AK5: variants seen among roughly 807,000 people sequenced by gnomAD.
AK5 encodes adenylate kinase isoenzyme 5.
In AK5, 27 loss-of-function variants were observed where a neutral mutation model predicts 69.5. The observed-to-expected ratio is 0.39, with a 90% confidence interval of 0.29 to 0.54. The LOEUF is 0.54. AK5 is among the 20% of genes least tolerant of loss of function. The probability of loss-of-function intolerance (pLI) is 0.71; values close to 1 mark genes in which losing one functional copy is unlikely to be tolerated. For missense variants in AK5, 531 were observed against 700.4 expected (o/e 0.76, Z 2.73); for synonymous variants, 260 against 244.4 (o/e 1.06, Z -0.60).
At chr1:77,289,517 T>A (rs1042501262) in intron 2 of AK5, among the ~76,000 whole-genome samples, 2 of 152,140 alleles carry the variant, frequency 1.3e-5, no homozygotes, top group African/African-American at 2.4e-5. Flanking sequence ...GTATACATTT[T>A]AAAAATTAAA....
chr1:77,468,960 G>T (rs947912559), intron 8 of AK5, among the ~76,000 whole-genome samples: 1 of 152,200 alleles, frequency 6.6e-6, no homozygotes, highest in Non-Finnish European at 1.5e-5. Flanking sequence ...CATTGTCTTG[G>T]GGAAATTATA....
chr1:77,415,334 A>G (rs1211374823), intron 7 of AK5, among the ~76,000 whole-genome samples: 2 of 152,220 alleles, frequency 1.3e-5, no homozygotes, highest in Non-Finnish European at 2.9e-5. Flanking sequence ...ATTAAATAAA[A>G]TAAGTAGGAC....
At chr1:77,403,972 G>T (rs11162336) in intron 6 of AK5, among the ~76,000 whole-genome samples, 71 of 151,774 alleles carry the variant, frequency 4.7e-4, no homozygotes, top group African/African-American at 1.7e-3. Context: ...CTTTTATTTC[G>T]TTGAGCAGTG....
chr1:77,539,982 G>C (rs561023660), intron 13 of AK5, among the ~76,000 whole-genome samples: 3 of 152,186 alleles, frequency 2.0e-5, no homozygotes, highest in South Asian at 2.1e-4. Flanking sequence ...AAAGCCACAG[G>C]GGGGGCCAAC....
At chr1:77,337,044 T>C (rs1290619180) in intron 5 of AK5, among the ~76,000 whole-genome samples, 1 of 152,196 alleles carries the variant, frequency 6.6e-6, no homozygotes, top group Non-Finnish European at 1.5e-5. Context: ...GTTGCATTTA[T>C]TGATCAAAAA....
At chr1:77,416,586 C>A (rs1475284308) in intron 7 of AK5, among the ~76,000 whole-genome samples, 1 of 151,908 alleles carries the variant, frequency 6.6e-6, no homozygotes, top group Non-Finnish European at 1.5e-5. Context: ...TGGTAGACAG[C>A]AGGGACAATG....
At chr1:77,396,453 T>C (rs950539303) in intron 6 of AK5, among the ~76,000 whole-genome samples, 1 of 152,234 alleles carries the variant, frequency 6.6e-6, no homozygotes, top group Non-Finnish European at 1.5e-5. Context: ...CTGTAATTAT[T>C]TCTTAAATCA....
chr1:77,483,713 G>A (rs1032218184), intron 9 of AK5, among the ~76,000 whole-genome samples: 1 of 152,172 alleles, frequency 6.6e-6, no homozygotes, highest in African/African-American at 2.4e-5. Context: ...AAGTCCTGCA[G>A]TAAAAAGAGT....
intron 6 of AK5, among the ~76,000 whole-genome samples, chr1:77,381,230 AC>A (rs1278484659): frequency 6.6e-6 from 1 of 152,078 alleles, no homozygotes; most frequent in South Asian, 2.1e-4. Flanking sequence ...TTACCCTTCT[AC>A]CCTGTGAAGT....
intron 6 of AK5, among the ~76,000 whole-genome samples, chr1:77,395,610 T>G (rs572793951): frequency 5.3e-5 from 8 of 152,314 alleles, no homozygotes; most frequent in African/African-American, 1.7e-4. Flanking sequence ...GCTCACTTTG[T>G]CTTTGAGTGA....
At chr1:77,521,989 A>T (rs1297550406) in intron 12 of AK5, 46 bp downstream of exon 12, 1 of 1,390,636 alleles carries the variant, frequency 7.2e-7, no homozygotes, top group Non-Finnish European at 9.9e-7. Context: ...AATAGGGGAC[A>T]TCCTTGAGGT....
intron 13 of AK5, among the ~76,000 whole-genome samples, chr1:77,547,565 C>T (rs1659607841): frequency 6.6e-6 from 1 of 152,130 alleles, no homozygotes; most frequent in African/African-American, 2.4e-5. Flanking sequence ...AGCCACTGTA[C>T]CCAGCCATAA....
rs191606877 is a variant in AK5, at chr1:77,529,300, C to T, written c.1429-6547C>T. 4.6e-5 allele frequency among the ~76,000 whole-genome samples: 7 copies of T among 150,734 alleles called. No individual in the cohort carries two copies. In the East Asian group the frequency reaches 9.7e-4, roughly 21 times the overall value. ...TTTCATTTGATTAATTTTTACAGTC[C>T]TACTTAACAGGTGTTAGGACCCCCG... is the stretch of plus-strand genomic sequence containing the variant. On this transcript the variant is annotated intron_variant, in intron 12 of 13. Coordinates refer to ENST00000354567, the MANE Select transcript of AK5 (RefSeq NM_174858.3).
intron 6 of AK5, among the ~76,000 whole-genome samples, chr1:77,350,581 G>A (rs1662139130): frequency 6.6e-6 from 1 of 152,184 alleles, no homozygotes. Flanking sequence ...CAAGGGCCTG[G>A]ACTGGAATAG....
intron 8 of AK5, among the ~76,000 whole-genome samples, chr1:77,465,096 T>C (rs768071518): frequency 6.6e-6 from 1 of 152,156 alleles, no homozygotes; most frequent in Non-Finnish European, 1.5e-5. Flanking sequence ...GCTTAAATAT[T>C]GTTAGCTGGT....
At position 77,303,884 on chromosome 1, in the gene AK5, T is replaced by C. The variant is rs188422122; in HGVS notation, c.699+5937T>C. On this transcript the variant is annotated intron_variant, in intron 5 of 13. Transcript: ENST00000354567. ...TTTTATTTTAACTTTTGTGGGTACA[T>C]AGTAGGTATATATATTTAAGGGGCA... is the stretch of plus-strand genomic sequence containing the variant. Among the ~76,000 whole-genome samples, 19 of 152,274 alleles carry C rather than the reference T, an allele frequency of 1.2e-4. No individual in the cohort carries two copies. The East Asian group carries it at 3.7e-3, about 29-fold the overall frequency.
chr1:77,286,307 A>G lies in AK5; in HGVS notation c.61-634A>G, dbSNP rs541236534. On this transcript the variant is annotated intron_variant, in intron 1 of 13. Coordinates refer to ENST00000354567, the MANE Select transcript of AK5 (RefSeq NM_174858.3). The stretch of plus-strand genomic sequence containing the variant: ...AGTGAGATAAATAATGACCAGGGGC[A>G]TTTTCACATGCTGCATTTTATCTCA... Among the ~76,000 whole-genome samples, 7 of 151,126 alleles carry G rather than the reference A, an allele frequency of 4.6e-5. No individual in the cohort carries two copies. In the East Asian group the frequency reaches 1.4e-3, roughly 29 times the overall value.
intron 8 of AK5, among the ~76,000 whole-genome samples, chr1:77,440,743 CTTT>C (rs888431945): frequency 2.3e-4 from 35 of 150,324 alleles, no homozygotes; most frequent in Admixed American, 2.0e-3. Flanking sequence ...TTCAGAGGCT[CTTT>C]TTTTTTTTGT....
At chr1:77,471,040 C>G (rs1311672661) in intron 8 of AK5, among the ~76,000 whole-genome samples, 2 of 150,772 alleles carry the variant, frequency 1.3e-5, no homozygotes, top group South Asian at 4.2e-4. Context: ...GCCACCATGC[C>G]TGGCTAATTT....
Sources: gnomAD v4.1 joint callset for allele counts (sites outside exome capture counted in the v4.1 genomes callset) on GRCh38, gnomAD v4.1.1 for gene constraint, MANE v1.5 for transcripts, NCBI Gene and HGNC (gene_info 2026-07-23, HGNC 2026-07-21) for gene names.